Variants in FHOD3 observed in about 807,000 individuals in gnomAD.
The protein encoded by FHOD3 is FH1/FH2 domain-containing protein 3.
A neutral mutation model predicts 173.0 loss-of-function variants in FHOD3; 90 were observed. That is an observed-to-expected ratio of 0.52 (90% CI 0.44 to 0.62). FHOD3 has a LOEUF of 0.62. FHOD3 is among the 20% of genes least tolerant of loss of function. The probability of loss-of-function intolerance (pLI) is 0.00; values close to 1 mark genes in which losing one functional copy is unlikely to be tolerated. For missense variants in FHOD3, 1,945 were observed against 2,034.7 expected (o/e 0.96, Z 0.85); for synonymous variants, 828 against 823.0 (o/e 1.01, Z -0.10).
At chr18:36,761,395 T>C (rs1052457811) in intron 27 of FHOD3, among the ~76,000 whole-genome samples, 1 of 152,178 alleles carries the variant, frequency 6.6e-6, no homozygotes, top group Non-Finnish European at 1.5e-5. Context: ...TCCTCGTGTT[T>C]CCCTGGTCTG....
intron 1 of FHOD3, among the ~76,000 whole-genome samples, chr18:36,311,408 T>C (rs2092254118): frequency 2.6e-5 from 4 of 152,118 alleles, no homozygotes; most frequent in Admixed American, 6.5e-5. Context: ...CACAAATAAA[T>C]GACACCAAGG....
At chr18:36,471,856 C>T (rs1293019659) in intron 3 of FHOD3, among the ~76,000 whole-genome samples, 2 of 152,050 alleles carry the variant, frequency 1.3e-5, no homozygotes, top group South Asian at 2.1e-4. Flanking sequence ...ATCCCGGGGA[C>T]GTTTCACATA....
chr18:36,508,247 T>A (rs991333959), intron 4 of FHOD3, among the ~76,000 whole-genome samples: 4 of 151,566 alleles, frequency 2.6e-5, no homozygotes, highest in Non-Finnish European at 5.9e-5. Flanking sequence ...TGAACCCATG[T>A]ATATTATCTT....
At chr18:36,685,675 T>A (rs1032262493) in intron 15 of FHOD3, among the ~76,000 whole-genome samples, 1 of 152,216 alleles carries the variant, frequency 6.6e-6, no homozygotes, top group Non-Finnish European at 1.5e-5. Flanking sequence ...TAGTCTAACT[T>A]ACTGCCCCTT....
intron 3 of FHOD3, among the ~76,000 whole-genome samples, chr18:36,420,613 A>G (rs958477508): frequency 3.9e-5 from 6 of 152,230 alleles, no homozygotes; most frequent in Non-Finnish European, 8.8e-5. Flanking sequence ...GACACTGGGT[A>G]GAAATTTGAT....
chr18:36,672,114 G>C (rs531926808), intron 14 of FHOD3, among the ~76,000 whole-genome samples: 2 of 152,154 alleles, frequency 1.3e-5, no homozygotes, highest in Non-Finnish European at 2.9e-5. Context: ...GGGGACAGTG[G>C]TATATGAGTT....
chr18:36,703,014 T>C (rs912625678), intron 17 of FHOD3, among the ~76,000 whole-genome samples: 1 of 152,050 alleles, frequency 6.6e-6, no homozygotes, highest in Non-Finnish European at 1.5e-5. Context: ...GGTCAGAGGG[T>C]TGCTGAATAT....
At chr18:36,504,196 TA>T (rs1157805634) in intron 4 of FHOD3, among the ~76,000 whole-genome samples, 1 of 152,132 alleles carries the variant, frequency 6.6e-6, no homozygotes, top group Non-Finnish European at 1.5e-5. Context: ...GTTGGGATTA[TA>T]GGTGTGATCT....
chr18:36,480,557 C>T (rs905880252), intron 3 of FHOD3, among the ~76,000 whole-genome samples: 7 of 152,286 alleles, frequency 4.6e-5, no homozygotes, highest in Non-Finnish European at 1.0e-4. Flanking sequence ...AGGCCTTTTC[C>T]ATTTACAGTT....
In FHOD3 at chr18:36,652,877, G is replaced by C. The variant is rs1454650149; in HGVS notation, c.1594G>C (p.Asp532His). The C allele has an allele frequency of 1.3e-6, 2 of 1,535,746 alleles. No homozygotes were observed. The highest frequency in any genetic ancestry group is 2.7e-5 in the African/African-American group (2 of 73,012). ...CCACCTCTTCTCCTATGACTTTGAG[G>C]ACTCCTCCCTGTCCACCAAGGAGAA... ...PFHLFSYDFE[D>H]SSLSTKEKEA... The change falls in exon 12 of 29, where the codon GAC (aspartate) becomes CAC (histidine). Residue 532 changes from aspartate to histidine, a missense_variant. This residue lies in a region of FHOD3 where 1,099 missense variants were observed against 1,051.2 expected (regional missense o/e 1.05). Transcript: ENST00000590592.
intron 5 of FHOD3, among the ~76,000 whole-genome samples, chr18:36,535,733 CAG>C (rs2056968815): frequency 6.6e-6 from 1 of 152,062 alleles, no homozygotes; most frequent in Non-Finnish European, 1.5e-5. Context: ...ATTGTTGTAA[CAG>C]TATTTAATAC....
At chr18:36,479,557 T>C (rs2053768852) in intron 3 of FHOD3, among the ~76,000 whole-genome samples, 2 of 151,904 alleles carry the variant, frequency 1.3e-5, no homozygotes, top group South Asian at 4.1e-4. Flanking sequence ...GTAAGGAACA[T>C]TCAGTTGCTC....
chr18:36,767,398 C>T (rs1167945656), intron 27 of FHOD3, among the ~76,000 whole-genome samples: 3 of 152,140 alleles, frequency 2.0e-5, no homozygotes, highest in Non-Finnish European at 4.4e-5. Flanking sequence ...CAGCTCACTG[C>T]AACCTCTGTC....
chr18:36,419,953 C>T (rs1466293623), intron 3 of FHOD3, among the ~76,000 whole-genome samples: 3 of 152,228 alleles, frequency 2.0e-5, no homozygotes, highest in African/African-American at 7.2e-5. Flanking sequence ...TTGCCACTTC[C>T]TTGAGGAAGA....
chr18:36,592,802 G>T (rs506712), intron 6 of FHOD3, among the ~76,000 whole-genome samples: 1 of 152,134 alleles, frequency 6.6e-6, no homozygotes, highest in Non-Finnish European at 1.5e-5. Flanking sequence ...GTGGAAGGGG[G>T]TAAGCATGAA....
At chr18:36,594,435 C>T (rs12971185) in intron 6 of FHOD3, among the ~76,000 whole-genome samples, 42,488 of 151,986 alleles carry the variant, frequency 0.28, 6,141 homozygotes, top group East Asian at 0.37. Flanking sequence ...AGTGTTATAG[C>T]TGGGGTAAAA....
At chr18:36,773,367 G>C (rs1183978870) in intron 28 of FHOD3, among the ~76,000 whole-genome samples, 1 of 152,142 alleles carries the variant, frequency 6.6e-6, no homozygotes, top group African/African-American at 2.4e-5. Context: ...TTGAGGGGAG[G>C]CATAGGGTTC....
intron 3 of FHOD3, among the ~76,000 whole-genome samples, chr18:36,419,019 AG>A (rs1257685652): frequency 5.3e-5 from 8 of 152,092 alleles, no homozygotes; most frequent in Non-Finnish European, 1.2e-4. Context: ...ACACAGTGGG[AG>A]GGGAAGAGTA....
In FHOD3 at chr18:36,605,610, C is replaced by T. The variant is rs145580037; in HGVS notation, c.813+2842C>T. On this transcript the variant is annotated intron_variant, in intron 8 of 28. Transcript: ENST00000590592. ...TGTGAGTTATTTATATCCTGCTTCT[C>T]AAGGTCATCACCAAGGTATAATTTT... 3.5e-3 allele frequency among the ~76,000 whole-genome samples: 538 copies of T among 151,916 alleles called. 1 individual carries two copies. Among genetic ancestry groups the T allele is most frequent in the African/African-American group, 0.013 (521 of 41,372 alleles).
Sources: gnomAD v4.1 joint callset for allele counts (sites outside exome capture counted in the v4.1 genomes callset) on GRCh38, gnomAD v4.1.1 for gene constraint, gnomAD v4.1.1 regional missense constraint, MANE v1.5 for transcripts, NCBI Gene and HGNC (gene_info 2026-07-23, HGNC 2026-07-21) for gene names.